Variants in ZNF385D observed in about 807,000 individuals in gnomAD.
The protein encoded by ZNF385D is zinc finger protein 385D, also known as zinc finger protein 659.
In ZNF385D, 15 loss-of-function variants were observed where a neutral mutation model predicts 35.8. That is an observed-to-expected ratio of 0.42 (90% confidence interval 0.28 to 0.64). ZNF385D has a LOEUF of 0.64. Ranked by LOEUF, ZNF385D falls within the 30% of genes least tolerant of loss-of-function variation. The pLI is 0.23. For missense variants in ZNF385D, 474 were observed against 494.6 expected (o/e 0.96, Z 0.39); for synonymous variants, 212 against 186.8 (o/e 1.13, Z -1.10).
rs994805591 is a variant in ZNF385D, at chr3:22,179,956, C to A, written c.107-10921G>T. Among the ~76,000 whole-genome samples, 3 of 152,022 alleles carry A rather than the reference C, an allele frequency of 2.0e-5. No homozygotes were observed. The East Asian group carries it at 5.8e-4, about 29-fold the overall frequency. On this transcript the variant is annotated intron_variant, in intron 2 of 5. Coordinates refer to the ZNF385D transcript ENST00000494108. ...AAGATCAGAGCAGAACTGAAGGAAA[C>A]AGAGACACAAAAAACCCTTCAAAAA... is the stretch of plus-strand genomic sequence containing the variant.
intron 2 of ZNF385D, among the ~76,000 whole-genome samples, chr3:22,337,450 C>A (rs1695224450): frequency 6.6e-6 from 1 of 152,088 alleles, no homozygotes; most frequent in African/African-American, 2.4e-5. Flanking sequence ...GGGAGAATCA[C>A]CTGAACCTGG....
chr3:21,997,507 A>T (rs1695542254), intron 3 of ZNF385D, among the ~76,000 whole-genome samples: 1 of 152,162 alleles, frequency 6.6e-6, no homozygotes, highest in African/African-American at 2.4e-5. Context: ...ATAATAATAA[A>T]AAAATGTGAT....
intron 2 of ZNF385D, among the ~76,000 whole-genome samples, chr3:22,293,228 G>C (rs1559503091): frequency 6.6e-6 from 1 of 152,006 alleles, no homozygotes; most frequent in Non-Finnish European, 1.5e-5. Context: ...TTACTTTGGA[G>C]AGCAAGCCCC....
intron 4 of ZNF385D, among the ~76,000 whole-genome samples, chr3:21,483,649 T>C (rs994329711): frequency 3.3e-5 from 5 of 152,166 alleles, no homozygotes; most frequent in African/African-American, 1.2e-4. Context: ...ATGTGCTGAT[T>C]TGCATTTCCC....
In ZNF385D at chr3:21,561,678, G is replaced by C. The variant is rs372703056; in HGVS notation, c.276+2896C>G. ...CTCAGGAAATAGGAAGGTCCAAAGA[G>C]AGGGTGGGAGATTGGGGAATGTCCA... On this transcript the variant is annotated intron_variant, in intron 3 of 7. Coordinates refer to ENST00000281523, the MANE Select transcript of ZNF385D (RefSeq NM_024697.3). Among the ~76,000 whole-genome samples, 52 of 152,306 alleles carry C rather than the reference G, an allele frequency of 3.4e-4. 1 individual carries two copies. The South Asian group carries it at 3.5e-3, about 10-fold the overall frequency.
At chr3:21,695,814 C>T (rs2067452196) in intron 1 of ZNF385D, among the ~76,000 whole-genome samples, 1 of 151,510 alleles carries the variant, frequency 6.6e-6, no homozygotes, top group Non-Finnish European at 1.5e-5. Flanking sequence ...AAAAAGCATT[C>T]CCTTGTCATT....
chr3:21,704,861 A>G (rs915172474), intron 1 of ZNF385D, among the ~76,000 whole-genome samples: 1 of 152,204 alleles, frequency 6.6e-6, no homozygotes, highest in African/African-American at 2.4e-5. Context: ...AGTGCTAGAA[A>G]AAGTAGATAC....
intron 2 of ZNF385D, among the ~76,000 whole-genome samples, chr3:22,190,230 G>A (rs754556527): frequency 1.9e-4 from 29 of 152,092 alleles, no homozygotes; most frequent in Non-Finnish European, 4.0e-4. Flanking sequence ...TCAAATCTAT[G>A]AGATGGGAAA....
At chr3:21,717,520 C>G (rs972785278) in intron 1 of ZNF385D, among the ~76,000 whole-genome samples, 1 of 152,166 alleles carries the variant, frequency 6.6e-6, no homozygotes, top group Non-Finnish European at 1.5e-5. Flanking sequence ...TGTCACTCCT[C>G]TGGTTAAAAT....
chr3:21,516,522 A>G (rs1707577129), intron 3 of ZNF385D, among the ~76,000 whole-genome samples: 1 of 152,186 alleles, frequency 6.6e-6, no homozygotes, highest in South Asian at 2.1e-4. Context: ...ACTCTGATCA[A>G]TGGAGATGGC....
At chr3:21,549,063 A>AT (rs2062480440) in intron 3 of ZNF385D, among the ~76,000 whole-genome samples, 1 of 152,250 alleles carries the variant, frequency 6.6e-6, no homozygotes, top group African/African-American at 2.4e-5. Flanking sequence ...TACTGGTCAC[A>AT]TGTAAAGTCA....
intron 2 of ZNF385D, among the ~76,000 whole-genome samples, chr3:22,170,205 A>G (rs1015790100): frequency 6.6e-6 from 1 of 152,200 alleles, no homozygotes; most frequent in African/African-American, 2.4e-5. Flanking sequence ...TGCATTTATG[A>G]GCTGACTGCT....
chr3:22,239,657 T>C (rs1006181936), intron 2 of ZNF385D, among the ~76,000 whole-genome samples: 32 of 151,186 alleles, frequency 2.1e-4, no homozygotes, highest in African/African-American at 7.8e-4. Context: ...TATTTATTTT[T>C]CAAATTACAT....
At chr3:22,354,654 G>A (rs1575183130) in intron 2 of ZNF385D, among the ~76,000 whole-genome samples, 1 of 152,054 alleles carries the variant, frequency 6.6e-6, no homozygotes, top group African/African-American at 2.4e-5. Flanking sequence ...CAGGCACGTT[G>A]TCTTCAAACT....
chr3:22,006,011 G>C (rs563456264), intron 3 of ZNF385D, among the ~76,000 whole-genome samples: 1 of 151,938 alleles, frequency 6.6e-6, no homozygotes, highest in South Asian at 2.1e-4. Context: ...GTCTTTTTGA[G>C]CTTTGACTAT....
At chr3:21,485,635 G>A (rs568736822) in intron 4 of ZNF385D, among the ~76,000 whole-genome samples, 1 of 151,952 alleles carries the variant, frequency 6.6e-6, no homozygotes, top group South Asian at 2.1e-4. Context: ...CAGAGAAGTG[G>A]GATATTCCAC....
chr3:21,526,262 G>A (rs1188371257), intron 3 of ZNF385D, among the ~76,000 whole-genome samples: 4 of 152,092 alleles, frequency 2.6e-5, no homozygotes, highest in South Asian at 2.1e-4. Context: ...TTGTTTATCT[G>A]TAGTTGTGTT....
intron 3 of ZNF385D, among the ~76,000 whole-genome samples, chr3:21,891,755 GGTA>G (rs1236241370): frequency 6.6e-6 from 1 of 152,082 alleles, no homozygotes; most frequent in African/African-American, 2.4e-5. Context: ...TTAATGAGGT[GGTA>G]GTCTATTGTC....
chr3:22,285,108 G>A (rs1022713189), intron 2 of ZNF385D, among the ~76,000 whole-genome samples: 8 of 152,114 alleles, frequency 5.3e-5, no homozygotes, highest in Non-Finnish European at 4.4e-5. Flanking sequence ...TTTCAGCATT[G>A]ATTAGAGGTA....
Sources: gnomAD v4.1 joint callset for allele counts (sites outside exome capture counted in the v4.1 genomes callset) on GRCh38, gnomAD v4.1.1 for gene constraint, MANE v1.5 for transcripts, NCBI Gene and HGNC (gene_info 2026-07-23, HGNC 2026-07-21) for gene names.